Variants in SOCS5 observed in about 807,000 individuals in gnomAD.
SOCS5 encodes the protein suppressor of cytokine signaling 5.
In SOCS5, 32 loss-of-function variants were observed where a neutral mutation model predicts 42.8. The ratio of observed to expected loss-of-function variants is 0.75; its 90% CI spans 0.56 to 1.01. SOCS5 has a LOEUF of 1.01. SOCS5 is among the 50% of genes least tolerant of loss of function. SOCS5 has a pLI of 0.00. For synonymous variants in SOCS5, 283 were observed against 229.6 expected, an observed-to-expected ratio of 1.23 and a Z score of -2.10; for missense variants, 627 against 653.0, an observed-to-expected ratio of 0.96 and a Z score of 0.43.
In SOCS5 at chr2:46,718,737, A is replaced by G. The variant is rs111982871; in HGVS notation, c.-13+19288A>G. On this transcript the variant is annotated intron_variant, in intron 1 of 1. Coordinates refer to ENST00000394861, the MANE Select transcript of SOCS5 (RefSeq NM_144949.3). ...GATTTTTCTCTAGGCTTAAGAAATA[A>G]GATTACAGAAAAAGCCGAAGAGCTT... Among the ~76,000 whole-genome samples, 371 of 152,328 alleles carry G rather than the reference A, an allele frequency of 2.4e-3. 2 individuals carry two copies. The highest frequency in any genetic ancestry group is 8.3e-3 in the African/African-American group (345 of 41,576).
chr2:46,709,073 G>C (rs958908811), intron 1 of SOCS5, among the ~76,000 whole-genome samples: 3 of 151,894 alleles, frequency 2.0e-5, no homozygotes, highest in African/African-American at 7.3e-5. Flanking sequence ...TTTTAGTAGA[G>C]ATGAGGTTTC....
intron 1 of SOCS5, among the ~76,000 whole-genome samples, chr2:46,712,336 C>CTTTTTTTTTTTTTTTTT (rs70940636): frequency 3.1e-5 from 2 of 64,972 alleles, no homozygotes; most frequent in African/African-American, 6.6e-5. Context: ...GGATGTTTAG[C>CTTTTTTTTTTTTTTTTT]TTTTTTTTTT....
rs952920958 is a variant in SOCS5, at chr2:46,761,489, A to T, written c.*1348A>T. On this transcript the variant is annotated 3_prime_UTR_variant, in exon 2 of 2. Coordinates refer to ENST00000394861, the MANE Select transcript of SOCS5 (RefSeq NM_144949.3). Reference sequence around the variant, plus strand: ...TCCCTATGGCTATTGCCAAGGCTACAAAAAAGGAAAGCTATATTTGTATGC... The same window carrying T: ...TCCCTATGGCTATTGCCAAGGCTACTAAAAAGGAAAGCTATATTTGTATGC... The T allele has an allele frequency of 1.8e-5, 3 of 167,076 alleles. No individual in the cohort carries two copies. The highest frequency in any genetic ancestry group is 7.2e-5 in the African/African-American group (3 of 41,456). The allele number at this position is 167,076 out of a possible 1,614,324, so 10.3% of individuals were successfully genotyped here.
chr2:46,705,475 T>C (rs1672442089), intron 1 of SOCS5, among the ~76,000 whole-genome samples: 1 of 152,228 alleles, frequency 6.6e-6, no homozygotes. Context: ...AAAAGTCTTC[T>C]GTGTTGATTG....
At chr2:46,723,912 C>G (rs774622971) in intron 1 of SOCS5, among the ~76,000 whole-genome samples, 6 of 151,946 alleles carry the variant, frequency 3.9e-5, no homozygotes, top group South Asian at 2.1e-4. Context: ...TGGTAGCTCT[C>G]TGCTTATTTA....
chr2:46,736,527 C>T (rs776295993), intron 1 of SOCS5, among the ~76,000 whole-genome samples: 61 of 152,174 alleles, frequency 4.0e-4, no homozygotes, highest in Non-Finnish European at 7.4e-4. Flanking sequence ...TACTGTCTGT[C>T]TCTATGAATT....
At chr2:46,716,550 G>A (rs753264853) in intron 1 of SOCS5, among the ~76,000 whole-genome samples, 5 of 151,774 alleles carry the variant, frequency 3.3e-5, no homozygotes, top group African/African-American at 9.7e-5. Flanking sequence ...CAAACATGGC[G>A]CACTGCAGCC....
rs553203800 is a variant in SOCS5, at chr2:46,763,105, A to G, written c.*2964A>G. 1 of 167,196 alleles carries G rather than the reference A, an allele frequency of 6.0e-6. No homozygotes were observed. The highest frequency in any genetic ancestry group is 1.9e-4 in the East Asian group (1 of 5,200). The allele number at this position is 167,196 out of a possible 1,614,324, so 10.4% of individuals were successfully genotyped here. Reference sequence around the variant, plus strand: ...GCCTTGCTACTTTAGCCTTGTTTATAATACAGTCACCTTACAAAGAGAAAG... The same window carrying G: ...GCCTTGCTACTTTAGCCTTGTTTATGATACAGTCACCTTACAAAGAGAAAG... On this transcript the variant is annotated 3_prime_UTR_variant, in exon 2 of 2. Transcript: ENST00000394861.
rs183331984 is a variant in SOCS5 at position 46,752,278 on chromosome 2, G to C, written c.-12-6241G>C. On this transcript the variant is annotated intron_variant, in intron 1 of 1. Transcript: ENST00000394861. ...GCCCTGTTGTGAACTGCGCACAGGG[G>C]ATCTAGGTTGCGTGTTCCTTATGAG... is the stretch of plus-strand genomic sequence containing the variant. 9.9e-5 allele frequency among the ~76,000 whole-genome samples: 15 copies of C among 152,060 alleles called. No homozygotes were observed. The East Asian group carries it at 2.9e-3, about 29-fold the overall frequency.
At chr2:46,708,524 GC>G (rs1336488457) in intron 1 of SOCS5, among the ~76,000 whole-genome samples, 1 of 152,106 alleles carries the variant, frequency 6.6e-6, no homozygotes, top group African/African-American at 2.4e-5. Context: ...GATGAGTAAT[GC>G]CCATAATATC....
chr2:46,759,899 G>A lies in SOCS5; in HGVS notation c.1369G>A (p.Glu457Lys). ...FHSSTVTGLL[E>K]HYKDPSSCMF... ...CTCCTCCACTGTAACGGGACTTTTAGAACATTATAAAGATCCCAGTTCGTG... is the reference window on the plus strand; with the variant it reads ...CTCCTCCACTGTAACGGGACTTTTAAAACATTATAAAGATCCCAGTTCGTG... The change falls in exon 2 of 2, where the codon GAA becomes AAA. Residue 457 changes from glutamate to lysine, a missense_variant. Physicochemically the swap from Glu to Lys is moderately conservative, Grantham distance 56. Coordinates refer to ENST00000394861, the MANE Select transcript of SOCS5 (RefSeq NM_144949.3). 6.2e-7 allele frequency: 1 copy of A among 1,614,110 alleles called. No homozygotes were observed.
intron 1 of SOCS5, among the ~76,000 whole-genome samples, chr2:46,754,990 C>T (rs1673703335): frequency 6.6e-6 from 1 of 152,082 alleles, no homozygotes; most frequent in Middle Eastern, 3.2e-3. Flanking sequence ...GCCTCTTGTG[C>T]CTGAATTTGA....
At chr2:46,737,384 T>C (rs1355999249) in intron 1 of SOCS5, among the ~76,000 whole-genome samples, 1 of 152,232 alleles carries the variant, frequency 6.6e-6, no homozygotes, top group Non-Finnish European at 1.5e-5. Flanking sequence ...AAAATTCTTC[T>C]GGTATTGAAG....
At position 46,711,512 on chromosome 2, in the gene SOCS5, G is replaced by A. The variant is rs540877476; in HGVS notation, c.-13+12063G>A. 5.3e-5 allele frequency among the ~76,000 whole-genome samples: 8 copies of A among 152,230 alleles called. No individual in the cohort carries two copies. The South Asian group carries it at 1.7e-3, about 32-fold the overall frequency. On this transcript the variant is annotated intron_variant, in intron 1 of 1. Coordinates refer to ENST00000394861, the MANE Select transcript of SOCS5 (RefSeq NM_144949.3). ...AGTTTTAGGATTTGTATATTAATTG[G>A]ATGCAACTTCTTTGACACATAAATG...
At chr2:46,746,310 A>G (rs1673493853) in intron 1 of SOCS5, among the ~76,000 whole-genome samples, 1 of 152,158 alleles carries the variant, frequency 6.6e-6, no homozygotes, top group Non-Finnish European at 1.5e-5. Context: ...ACTCTAGAAT[A>G]TCTAGCATGT....
intron 1 of SOCS5, among the ~76,000 whole-genome samples, chr2:46,755,655 A>T (rs1673716284): frequency 6.6e-6 from 1 of 152,206 alleles, no homozygotes; most frequent in African/African-American, 2.4e-5. Flanking sequence ...TTATTCTAGA[A>T]TCAATGCAAT....
In SOCS5 at chr2:46,761,168, T is replaced by C. The variant is rs1312468763; in HGVS notation, c.*1027T>C. 1 of 167,126 alleles carries C rather than the reference T, an allele frequency of 6.0e-6. No individual in the cohort carries two copies. The highest frequency in any genetic ancestry group is 1.5e-5 in the Non-Finnish European group (1 of 68,126). The allele number at this position is 167,126 out of a possible 1,614,324, so 10.4% of individuals were successfully genotyped here. ...AGTGCAGTTCATTCTTAATGGAAAA[T>C]CTGAAACCTAAATTGCAGATTTAAA... On this transcript the variant is annotated 3_prime_UTR_variant, in exon 2 of 2. Transcript: ENST00000394861.
intron 1 of SOCS5, among the ~76,000 whole-genome samples, chr2:46,719,746 T>G (rs1467065628): frequency 1.3e-5 from 2 of 152,118 alleles, no homozygotes; most frequent in Non-Finnish European, 2.9e-5. Flanking sequence ...TAATTAAAAG[T>G]CAAAGCATTG....
chr2:46,749,672 C>G (rs1223246762), intron 1 of SOCS5, among the ~76,000 whole-genome samples: 1 of 152,146 alleles, frequency 6.6e-6, no homozygotes, highest in Non-Finnish European at 1.5e-5. Flanking sequence ...GAAGCCCCTC[C>G]AAATGAATAA....
Sources: gnomAD v4.1 joint callset for allele counts (sites outside exome capture counted in the v4.1 genomes callset) on GRCh38, gnomAD v4.1.1 for gene constraint, MANE v1.5 for transcripts, NCBI Gene and HGNC (gene_info 2026-07-23, HGNC 2026-07-21) for gene names.